Variants in PSD3 observed in about 807,000 individuals in gnomAD.
The protein encoded by PSD3 is PH and SEC7 domain-containing protein 3.
In PSD3, 49 loss-of-function variants were observed where a neutral mutation model predicts 105.5. The ratio of observed to expected loss-of-function variants is 0.46; its 90% CI spans 0.37 to 0.59. The LOEUF is 0.59. Ranked by LOEUF, PSD3 falls within the 20% of genes least tolerant of loss-of-function variation. PSD3 has a pLI of 0.00. For synonymous variants in PSD3, 557 were observed against 457.8 expected (o/e 1.22, Z -2.77); for missense variants, 1,561 against 1,263.8 (o/e 1.24, Z -3.57).
intron 4 of PSD3, among the ~76,000 whole-genome samples, chr8:18,857,442 G>C (rs1157873187): frequency 1.3e-5 from 2 of 152,176 alleles, no homozygotes; most frequent in Non-Finnish European, 2.9e-5. Context: ...GCAAGGTGTT[G>C]AGAACCTAGG....
intron 1 of PSD3, among the ~76,000 whole-genome samples, chr8:18,957,994 A>G (rs7012662): frequency 0.41 from 61,921 of 152,030 alleles, 12,840 homozygotes; most frequent in African/African-American, 0.44. Context: ...AATTTGAAAC[A>G]CATATGCCCT....
Position 19,080,978 on chromosome 8 carries a change from C to G in PSD3, c.324+3228G>C, listed in dbSNP as rs140926708. Among the ~76,000 whole-genome samples the G allele has an allele frequency of 1.4e-3, 207 of 152,224 alleles. 3 individuals are homozygous for G. The highest frequency in any genetic ancestry group is 6.0e-4 in the African/African-American group (25 of 41,534). The stretch of plus-strand genomic sequence containing the variant: ...ACGATGATAGAGAAAGCTTTTCCCC[C>G]CTGTCTTTTGAGTTGGGTCTGCTTT... On this transcript the variant is annotated intron_variant, in intron 1 of 1. Coordinates refer to the PSD3 transcript ENST00000521475.
At chr8:18,619,247 CT>C (rs1425116743) in intron 11 of PSD3, among the ~76,000 whole-genome samples, 1 of 151,700 alleles carries the variant, frequency 6.6e-6, no homozygotes, top group Non-Finnish European at 1.5e-5. Context: ...TATCCACTTC[CT>C]TTTCAAGTTC....
At chr8:18,987,369 G>A (rs1465312721) in intron 1 of PSD3, among the ~76,000 whole-genome samples, 1 of 151,676 alleles carries the variant, frequency 6.6e-6, no homozygotes, top group African/African-American at 2.4e-5. Flanking sequence ...CTCACTGCAA[G>A]CTCTGCCTTC....
chr8:18,768,762 C>T (rs968509461), intron 8 of PSD3, among the ~76,000 whole-genome samples: 13 of 152,174 alleles, frequency 8.5e-5, no homozygotes, highest in African/African-American at 3.1e-4. Context: ...TCGTCCCATT[C>T]AAGCTGTCTA....
intron 1 of PSD3, among the ~76,000 whole-genome samples, chr8:18,948,795 A>T (rs141083386): frequency 3.3e-5 from 5 of 152,252 alleles, no homozygotes; most frequent in African/African-American, 1.2e-4. Context: ...TATATTTTTA[A>T]AAAACATAAT....
intron 1 of PSD3, among the ~76,000 whole-genome samples, chr8:19,037,721 G>C (rs1362965556): frequency 6.6e-6 from 1 of 152,000 alleles, no homozygotes; most frequent in Non-Finnish European, 1.5e-5. Flanking sequence ...TCTAGTTTCT[G>C]GGCCTTCACA....
intron 9 of PSD3, among the ~76,000 whole-genome samples, chr8:18,752,508 A>G (rs1325089715): frequency 2.8e-5 from 2 of 71,074 alleles, no homozygotes; most frequent in African/African-American, 7.5e-5. Flanking sequence ...TATAATATAT[A>G]TAATATATGT....
chr8:18,865,227 TATATATATA>T (rs1816739281), intron 4 of PSD3: 1 of 4,424 alleles, frequency 2.3e-4, no homozygotes. Flanking sequence ...TTCTATGTTA[TATATATATA>T]TATATATATA....
chr8:18,652,274 ACAGAAATGGCAGAAGAAGTT>A (rs903900463), intron 10 of PSD3, among the ~76,000 whole-genome samples: 7 of 152,100 alleles, frequency 4.6e-5, no homozygotes, highest in Admixed American at 1.3e-4. Context: ...AAGAATTTTT[ACAGAAATGGCAGAAGAAGTT>A]TTAAGAGTGA....
At chr8:18,928,913 C>T (rs1821560493) in intron 2 of PSD3, among the ~76,000 whole-genome samples, 2 of 151,924 alleles carry the variant, frequency 1.3e-5, no homozygotes, top group Non-Finnish European at 2.9e-5. Flanking sequence ...AACTCCTGGG[C>T]TCAAACAGTC....
intron 1 of PSD3, among the ~76,000 whole-genome samples, chr8:19,081,837 C>T (rs1340631896): frequency 6.6e-6 from 1 of 152,144 alleles, no homozygotes; most frequent in Non-Finnish European, 1.5e-5. Flanking sequence ...CAAATTGACA[C>T]TAGGACCTCA....
intron 1 of PSD3, among the ~76,000 whole-genome samples, chr8:19,031,566 A>T (rs1039731879): frequency 6.7e-6 from 1 of 150,192 alleles, no homozygotes; most frequent in Non-Finnish European, 1.5e-5. Flanking sequence ...ATCTGAAAAA[A>T]GTATCAAACA....
intron 1 of PSD3, among the ~76,000 whole-genome samples, chr8:18,963,453 ATT>A (rs2129471321): frequency 6.6e-6 from 1 of 152,304 alleles, no homozygotes; most frequent in African/African-American, 2.4e-5. Flanking sequence ...GAATCTTAGC[ATT>A]TTCTCTTTTT....
intron 4 of PSD3, chr8:18,865,223 G>T (rs1192032907): frequency 4.6e-4 from 34 of 74,224 alleles, no homozygotes; most frequent in Non-Finnish European, 7.7e-4. Flanking sequence ...CAGATTCTAT[G>T]TTATATATAT....
At chr8:18,899,262 T>C (rs1056945457) in intron 2 of PSD3, among the ~76,000 whole-genome samples, 2 of 152,176 alleles carry the variant, frequency 1.3e-5, no homozygotes, top group Non-Finnish European at 2.9e-5. Context: ...CTTGAAATCC[T>C]TCCTCACCAC....
intron 1 of PSD3, among the ~76,000 whole-genome samples, chr8:18,944,506 G>C (rs183898983): frequency 0.013 from 1,920 of 152,114 alleles, 32 homozygotes; most frequent in African/African-American, 0.044. Context: ...AGGAGGTGGA[G>C]GCTGCAGTGA....
intron 9 of PSD3, among the ~76,000 whole-genome samples, chr8:18,759,481 A>G (rs549574168): frequency 5.3e-5 from 8 of 152,282 alleles, no homozygotes; most frequent in Admixed American, 2.0e-4. Context: ...CTTTCCATCA[A>G]TAAGTTGGTA....
At chr8:18,988,543 A>G (rs1276327325) in intron 1 of PSD3, among the ~76,000 whole-genome samples, 2 of 152,316 alleles carry the variant, frequency 1.3e-5, no homozygotes, top group South Asian at 2.1e-4. Flanking sequence ...TAGTCTAATC[A>G]TCACTTCTGT....
Sources: gnomAD v4.1 joint callset for allele counts (sites outside exome capture counted in the v4.1 genomes callset) on GRCh38, gnomAD v4.1.1 for gene constraint, MANE v1.5 for transcripts, NCBI Gene and HGNC (gene_info 2026-07-23, HGNC 2026-07-21) for gene names.